Variants in DIAPH2 observed in about 807,000 individuals in gnomAD.
The protein encoded by DIAPH2 is diaphanous related formin 2, also known as protein diaphanous homolog 2.
DIAPH2 carries 35 observed loss-of-function variants against 92.7 expected under a neutral mutation model. The ratio of observed to expected loss-of-function variants is 0.38; its 90% CI spans 0.29 to 0.50. DIAPH2 has a LOEUF of 0.50. DIAPH2 is among the 20% of genes least tolerant of loss of function. The pLI is 0.94. For missense variants in DIAPH2, 701 were observed against 819.5 expected (o/e 0.86, Z 1.77); for synonymous variants, 301 against 280.4 (o/e 1.07, Z -0.73).
chrX:97,536,275 A>G (rs1007990156), intron 26 of DIAPH2, among the ~76,000 whole-genome samples: 6 of 112,215 alleles, frequency 5.3e-5, no homozygotes, highest in African/African-American at 1.3e-4. Context: ...TGAAAACTCA[A>G]TGTGGAATTT....
chrX:96,942,497 G>A (rs772625489), intron 13 of DIAPH2, among the ~76,000 whole-genome samples: 5 of 110,974 alleles, frequency 4.5e-5, no homozygotes, highest in Non-Finnish European at 7.6e-5. Context: ...TGGTCTTGTA[G>A]AAATCATGTA....
intron 17 of DIAPH2, among the ~76,000 whole-genome samples, chrX:97,048,521 C>T (rs1215107556): frequency 1.8e-5 from 2 of 111,202 alleles, no homozygotes; most frequent in Admixed American, 9.6e-5. Flanking sequence ...TCTCTAGTGT[C>T]TAATTAACTC....
Position 97,369,959 on chromosome X carries a change from T to C in DIAPH2, c.3010-13950T>C, listed in dbSNP as rs1180584844. ...TTTAGAGTACGATTTTAACTGATAG[T>C]AAGACAGTGCTCTAGGTGGGTCTGG... On this transcript the variant is annotated intron_variant, in intron 24 of 26. Transcript: ENST00000324765. 1.6e-4 allele frequency among the ~76,000 whole-genome samples: 18 copies of C among 111,687 alleles called. No homozygotes were observed. In the Admixed American group the frequency reaches 1.7e-3, roughly 11 times the overall value.
chrX:97,078,880 A>G (rs1342405311), intron 19 of DIAPH2, among the ~76,000 whole-genome samples: 1 of 110,871 alleles, frequency 9.0e-6, no homozygotes, highest in Non-Finnish European at 1.9e-5. Context: ...ATGGTGGCCA[A>G]AGGCTTGAGG....
At chrX:97,006,653 C>A (rs1053417445) in intron 17 of DIAPH2, among the ~76,000 whole-genome samples, 11 of 111,879 alleles carry the variant, frequency 9.8e-5, no homozygotes, top group Non-Finnish European at 2.1e-4. Flanking sequence ...ATAGGTGAAG[C>A]GTGTTTCTTG....
At chrX:97,554,137 G>A (rs1569423061) in intron 26 of DIAPH2, among the ~76,000 whole-genome samples, 1 of 111,633 alleles carries the variant, frequency 9.0e-6, no homozygotes, top group Non-Finnish European at 1.9e-5. Context: ...CTGCTGTCAT[G>A]ATGGCTAGAA....
rs562543530 is a variant in DIAPH2, at chrX:97,533,255, A to C, written c.3242-65998A>C. ...ATTCAGGAAATGTATCATTAATGTA[A>C]TACTTCCATCTAATCAACCATCCAT... On this transcript the variant is annotated intron_variant, in intron 26 of 26. Coordinates refer to ENST00000324765, the MANE Select transcript of DIAPH2 (RefSeq NM_006729.5). 17 of 111,540 alleles carry C rather than the reference A, an allele frequency of 1.5e-4. No homozygotes were observed. The Admixed American group carries it at 1.5e-3, about 10-fold the overall frequency. 9.2% of individuals were successfully genotyped at this position (111,540 alleles called of 1,213,427 possible).
chrX:96,773,074 C>G (rs989674155), intron 4 of DIAPH2, among the ~76,000 whole-genome samples: 4 of 111,373 alleles, frequency 3.6e-5, no homozygotes, highest in Non-Finnish European at 3.8e-5. Context: ...TCTGTCTATC[C>G]TCCCAAAGTT....
intron 26 of DIAPH2, among the ~76,000 whole-genome samples, chrX:97,455,957 G>A (rs980807367): frequency 2.7e-4 from 30 of 111,770 alleles, no homozygotes; most frequent in African/African-American, 7.2e-4. Context: ...TTCCCTCAGT[G>A]TCACTTCCCG....
rs1053864263 is a variant in DIAPH2, at chrX:97,502,684, T to C, written c.3241+72939T>C. The stretch of plus-strand genomic sequence containing the variant: ...TGTAAGTTGTGACAGTAATTTTTAG[T>C]ATACCACTTTAGACTTACTTCTGGA... On this transcript the variant is annotated intron_variant, in intron 26 of 26. Coordinates refer to ENST00000324765, the MANE Select transcript of DIAPH2 (RefSeq NM_006729.5). Among the ~76,000 whole-genome samples the C allele has an allele frequency of 2.7e-5, 3 of 112,801 alleles. No individual in the cohort carries two copies. In the Admixed American group the frequency reaches 2.8e-4, roughly 11 times the overall value.
intron 5 of DIAPH2, among the ~76,000 whole-genome samples, chrX:96,887,595 CAATAT>C (rs1409836392): frequency 9.0e-6 from 1 of 111,384 alleles, no homozygotes; most frequent in Non-Finnish European, 1.9e-5. Context: ...TTTTCAAGGC[CAATAT>C]AATAATCTTA....
At chrX:97,272,770 C>T (rs1225673986) in intron 23 of DIAPH2, among the ~76,000 whole-genome samples, 4 of 111,853 alleles carry the variant, frequency 3.6e-5, no homozygotes, top group African/African-American at 9.7e-5. Flanking sequence ...ACAGGAATTC[C>T]ACTGGCCGCA....
intron 4 of DIAPH2, among the ~76,000 whole-genome samples, chrX:96,784,061 A>G (rs886770439): frequency 8.9e-6 from 1 of 112,227 alleles, no homozygotes; most frequent in Non-Finnish European, 1.9e-5. Flanking sequence ...TTATTTTCCT[A>G]AAATGCCTCA....
intron 1 of DIAPH2, among the ~76,000 whole-genome samples, chrX:96,705,748 T>C (rs2147529350): frequency 8.9e-6 from 1 of 112,118 alleles, no homozygotes; most frequent in East Asian, 2.8e-4. Context: ...TCCTGTAGAT[T>C]CCCTTTCTCA....
intron 4 of DIAPH2, among the ~76,000 whole-genome samples, chrX:96,820,752 A>G (rs901889599): frequency 1.8e-5 from 2 of 112,211 alleles, no homozygotes; most frequent in African/African-American, 6.5e-5. Flanking sequence ...AGTAAAGAGT[A>G]GAAACCATGA....
At chrX:97,503,228 C>T (rs184667154) in intron 26 of DIAPH2, among the ~76,000 whole-genome samples, 1 of 111,836 alleles carries the variant, frequency 8.9e-6, no homozygotes, top group African/African-American at 3.3e-5. Flanking sequence ...TCCCTTTCCT[C>T]GGGAAATTAT....
intron 17 of DIAPH2, among the ~76,000 whole-genome samples, chrX:97,044,554 C>T (rs2066468339): frequency 9.0e-6 from 1 of 111,136 alleles, no homozygotes; most frequent in South Asian, 3.8e-4. Flanking sequence ...TTCCTGTTAC[C>T]ATGGACAGAA....
intron 23 of DIAPH2, among the ~76,000 whole-genome samples, chrX:97,333,087 TG>T (rs2069015462): frequency 8.9e-6 from 1 of 111,783 alleles, no homozygotes; most frequent in East Asian, 2.8e-4. Flanking sequence ...ATCCTATATT[TG>T]GGGGGAGTAT....
intron 26 of DIAPH2, among the ~76,000 whole-genome samples, chrX:97,449,183 C>A (rs1008776630): frequency 8.9e-6 from 1 of 111,853 alleles, no homozygotes; most frequent in African/African-American, 3.2e-5. Context: ...ACAGAGTTGT[C>A]CCAGATGTAA....
Sources: gnomAD v4.1 joint callset for allele counts (sites outside exome capture counted in the v4.1 genomes callset) on GRCh38, gnomAD v4.1.1 for gene constraint, MANE v1.5 for transcripts, NCBI Gene and HGNC (gene_info 2026-07-23, HGNC 2026-07-21) for gene names.